PCCA: variants seen among roughly 807,000 people sequenced by gnomAD.
PCCA encodes propionyl-CoA carboxylase alpha chain, mitochondrial.
A neutral mutation model predicts 101.3 loss-of-function variants in PCCA; 74 were observed. The observed-to-expected ratio is 0.73, with a 90% CI of 0.61 to 0.89. PCCA has a LOEUF of 0.89. Ranked by LOEUF, PCCA falls within the 40% of genes least tolerant of loss-of-function variation. The probability of loss-of-function intolerance (pLI) is 0.00; values close to 1 mark genes in which losing one functional copy is unlikely to be tolerated. For missense variants in PCCA, 891 were observed against 907.0 expected, an observed-to-expected ratio of 0.98 and a Z score of 0.23; for synonymous variants, 294 against 313.6, an observed-to-expected ratio of 0.94 and a Z score of 0.66.
At chr13:100,438,824 T>C (rs916100683) in intron 20 of PCCA, among the ~76,000 whole-genome samples, 15 of 152,152 alleles carry the variant, frequency 9.9e-5, no homozygotes, top group South Asian at 4.1e-4. Flanking sequence ...TTTGCATTTA[T>C]GGCCCTTTCA....
intron 20 of PCCA, among the ~76,000 whole-genome samples, chr13:100,442,966 A>G (rs1433124518): frequency 1.3e-5 from 2 of 152,156 alleles, no homozygotes; most frequent in African/African-American, 4.8e-5. Context: ...ACAGAACCAG[A>G]TCATCTAGGG....
intron 8 of PCCA, among the ~76,000 whole-genome samples, chr13:100,247,320 C>T (rs757423653): frequency 1.2e-4 from 18 of 150,966 alleles, no homozygotes; most frequent in Non-Finnish European, 2.1e-4. Flanking sequence ...AGGTTCACAC[C>T]GTTCTCTTGC....
chr13:100,237,942 T>TCTTTCTTTCTTTCTTTC (rs376456569), intron 8 of PCCA, among the ~76,000 whole-genome samples: 2 of 146,550 alleles, frequency 1.4e-5, no homozygotes, highest in South Asian at 2.2e-4. Context: ...TTTCTTTCTT[T>TCTTTCTTTCTTTCTTTC]TTTTTTTTTT....
intron 18 of PCCA, among the ~76,000 whole-genome samples, chr13:100,361,145 A>AG (rs971944469): frequency 1.6e-4 from 25 of 151,966 alleles, no homozygotes; most frequent in Non-Finnish European, 3.4e-4. Context: ...CGGGGGAGGG[A>AG]GGGGAAATAA....
At chr13:100,201,293 T>A (rs1594698108) in intron 6 of PCCA, among the ~76,000 whole-genome samples, 5 of 152,266 alleles carry the variant, frequency 3.3e-5, no homozygotes, top group Admixed American at 3.3e-4. Flanking sequence ...TTCCTGAAGC[T>A]CATTCTCTAG....
chr13:100,351,843 T>C (rs1448112344), intron 18 of PCCA, among the ~76,000 whole-genome samples: 2 of 152,138 alleles, frequency 1.3e-5, no homozygotes, highest in African/African-American at 4.8e-5. Flanking sequence ...TTCAGCCTTA[T>C]CCCCAATAAT....
At chr13:100,332,490 G>A (rs2069776221) in intron 17 of PCCA, among the ~76,000 whole-genome samples, 2 of 152,034 alleles carry the variant, frequency 1.3e-5, no homozygotes, top group South Asian at 2.1e-4. Context: ...AACATTATAT[G>A]CATGTATGGG....
At chr13:100,292,525 G>T (rs2065206222) in intron 12 of PCCA, among the ~76,000 whole-genome samples, 2 of 152,156 alleles carry the variant, frequency 1.3e-5, no homozygotes, top group South Asian at 2.1e-4. Context: ...CTAACTGTGA[G>T]TATCTTATCC....
chr13:100,156,502 G>T (rs1052824845), intron 5 of PCCA, among the ~76,000 whole-genome samples: 1 of 152,150 alleles, frequency 6.6e-6, no homozygotes, highest in African/African-American at 2.4e-5. Context: ...TACTGAAGTG[G>T]CGAAATTTAT....
At chr13:100,392,213 G>A (rs927472375) in intron 19 of PCCA, among the ~76,000 whole-genome samples, 3 of 152,068 alleles carry the variant, frequency 2.0e-5, no homozygotes, top group Admixed American at 6.5e-5. Context: ...AAGGAAGGAA[G>A]GAAGGAAGAG....
intron 19 of PCCA, among the ~76,000 whole-genome samples, chr13:100,396,177 G>A (rs2077037714): frequency 6.6e-6 from 1 of 152,212 alleles, no homozygotes; most frequent in Admixed American, 6.5e-5. Flanking sequence ...CACTGCAGCA[G>A]TGGTGTTTAC....
At chr13:100,330,204 T>C (rs750665080) in intron 16 of PCCA, among the ~76,000 whole-genome samples, 1 of 152,206 alleles carries the variant, frequency 6.6e-6, no homozygotes, top group Non-Finnish European at 1.5e-5. Flanking sequence ...AACAAACTTA[T>C]TTCTCATTGA....
intron 16 of PCCA, among the ~76,000 whole-genome samples, chr13:100,328,155 G>C (rs1414871614): frequency 6.6e-6 from 1 of 152,088 alleles, no homozygotes; most frequent in East Asian, 1.9e-4. Context: ...ACGAGGTCAG[G>C]AGATCGAGAC....
chr13:100,367,769 C>G (rs1297356746), intron 18 of PCCA, among the ~76,000 whole-genome samples: 4 of 150,506 alleles, frequency 2.7e-5, no homozygotes, highest in Middle Eastern at 3.4e-3. Flanking sequence ...CCAGCCTGAC[C>G]AAAATAGTGA....
chr13:100,491,717 T>C (rs1235641329), intron 21 of PCCA: 2 of 1,301,388 alleles, frequency 1.5e-6, no homozygotes, highest in Non-Finnish European at 2.0e-6. Flanking sequence ...GGTGGCTGGC[T>C]CAGCAGGAGG....
chr13:100,348,732 CTTTCTTTCTTT>C (rs2072670634), intron 18 of PCCA, among the ~76,000 whole-genome samples: 2 of 100,520 alleles, frequency 2.0e-5, no homozygotes, highest in African/African-American at 4.0e-5. Flanking sequence ...TTTTTCCTTT[CTTTCTTTCTTT>C]CTTTCTTTCT....
Position 100,340,185 on chromosome 13 carries a change from C to G in PCCA, c.1569C>G (p.Asn523Lys), listed in dbSNP as rs764239303. The change falls in exon 18 of 24, where the codon AAC becomes AAG. Residue 523 changes from asparagine to lysine, a missense_variant. Physicochemically the swap from Asn to Lys is moderately conservative, Grantham distance 94 (BLOSUM62 0). Transcript: ENST00000376285. Reference sequence around the variant, plus strand: ...ACATGCTAACCAAGAGTGAGAAGAACCAGTTATTGGCAATAGCATCATCAT... The same window carrying G: ...ACATGCTAACCAAGAGTGAGAAGAAGCAGTTATTGGCAATAGCATCATCAT... Reference protein sequence around the residue: ...KGHMLTKSEKNQLLAIASSLF... With the variant: ...KGHMLTKSEKKQLLAIASSLF... 42 of 1,607,058 alleles carry G rather than the reference C, an allele frequency of 2.6e-5. No individual in the cohort carries two copies. Among genetic ancestry groups the G allele is most frequent in the Non-Finnish European group, 3.4e-5 (40 of 1,173,700 alleles).
chr13:100,137,116 A>G (rs2051278624), intron 4 of PCCA, among the ~76,000 whole-genome samples: 1 of 151,744 alleles, frequency 6.6e-6, no homozygotes, highest in Non-Finnish European at 1.5e-5. Flanking sequence ...TTTTTTGCAC[A>G]TAGGTTATTT....
chr13:100,168,652 A>G (rs1011532574), intron 6 of PCCA, among the ~76,000 whole-genome samples: 80 of 152,330 alleles, frequency 5.3e-4, no homozygotes, highest in African/African-American at 1.9e-3. Context: ...GTGACAACGT[A>G]GCAGATGCTG....
Sources: gnomAD v4.1 joint callset for allele counts (sites outside exome capture counted in the v4.1 genomes callset) on GRCh38, gnomAD v4.1.1 for gene constraint, MANE v1.5 for transcripts, NCBI Gene and HGNC (gene_info 2026-07-23, HGNC 2026-07-21) for gene names.